The following MVD variants were observed in gnomAD, a reference collection of about 807,000 sequenced individuals.
MVD encodes the protein diphosphomevalonate decarboxylase.
MVD carries 52 observed loss-of-function variants against 42.4 expected under a neutral mutation model. That is an observed-to-expected ratio of 1.23 (90% confidence interval 0.98 to 1.55). The LOEUF is 1.55. Ranked by LOEUF, MVD falls within the 40% of genes most tolerant of loss-of-function variation. MVD has a pLI of 0.00. For synonymous variants in MVD, 287 were observed against 243.2 expected (o/e 1.18, Z -1.68); for missense variants, 663 against 572.1 (o/e 1.16, Z -1.62).
At position 88,663,088 on chromosome 16, in the gene MVD, C is replaced by T. The variant is rs770646062; in HGVS notation, c.-8G>A. The T allele has an allele frequency of 5.5e-5, 88 of 1,608,340 alleles. No homozygotes were observed. The highest frequency in any genetic ancestry group is 7.4e-5 in the Non-Finnish European group (87 of 1,178,224). On this transcript the variant is annotated 5_prime_UTR_variant, in exon 1 of 10. In the 5' UTR this introduces an upstream ATG that the reference lacks. Coordinates refer to ENST00000301012, the MANE Select transcript of MVD (RefSeq NM_002461.3). ...CGGCTTCTCCGAGGCCATGGTCCCA[C>T]CGCGCAGTGACCCCAGCTCCACAGC...
intron 4 of MVD, chr16:88,656,855 C>G: frequency 3.8e-6 from 1 of 265,516 alleles, no homozygotes; most frequent in Non-Finnish European, 7.5e-6. Flanking sequence ...GGAAGCGTCA[C>G]CCCTGGAGTT....
chr16:88,662,950 C>A (rs1246474113), intron 1 of MVD, 61 bp downstream of exon 1: 1 of 1,556,332 alleles, frequency 6.4e-7, no homozygotes, highest in African/African-American at 1.4e-5. Flanking sequence ...CAGCGCGCGA[C>A]CCCCGCGTAC....
Position 88,657,479 on chromosome 16 carries a change from C to T in MVD, c.360G>A (p.Thr120=), listed in dbSNP as rs921222865. 5 of 1,612,420 alleles carry T rather than the reference C, an allele frequency of 3.1e-6. No homozygotes were observed. The highest frequency in any genetic ancestry group is 1.7e-5 in the Admixed American group (1 of 59,966). ...VHVASVNNFP[T]AAGLASSAAG... ...CCGCTGAGGAGGCCAGGCCCGCAGCCGTGGGGAAGTTGTTCACCGATGCCA... is the reference window on the plus strand; with the variant it reads ...CCGCTGAGGAGGCCAGGCCCGCAGCTGTGGGGAAGTTGTTCACCGATGCCA... Residue 120 remains threonine (T), a synonymous_variant, in exon 4 of 10, where the codon ACG becomes ACA. Coordinates refer to ENST00000301012, the MANE Select transcript of MVD (RefSeq NM_002461.3).
rs770468839 is a variant in MVD, at chr16:88,656,113, T to C, written c.595A>G (p.Ile199Val). 2.5e-6 allele frequency: 4 copies of C among 1,599,974 alleles called. No individual in the cohort carries two copies. Among genetic ancestry groups the C allele is most frequent in the Admixed American group, 1.7e-5 (1 of 59,968 alleles). The change falls in exon 5 of 10, where the codon ATC becomes GTC. Residue 199 changes from isoleucine (I) to valine (V), a missense_variant. Physicochemically the swap from Ile to Val is conservative, Grantham distance 29. Coordinates refer to ENST00000301012, the MANE Select transcript of MVD (RefSeq NM_002461.3). The stretch of plus-strand genomic sequence containing the variant: ...CGCCCCACCCCACTCACCACAAGGA[T>C]GAGCACGCGGAGTTCAGGCCAGTGT... ...ESHWPELRVL[I>V]LVVSAEKKLT...
intron 2 of MVD, among the ~76,000 whole-genome samples, chr16:88,658,300 T>C (rs940222282): frequency 1.3e-5 from 2 of 152,150 alleles, no homozygotes; most frequent in African/African-American, 2.4e-5. Context: ...TGTGCGCATG[T>C]GTGACGAGAC....
At chr16:88,653,656 C>T (rs59632581) in intron 8 of MVD, 143 of 462,846 alleles carry the variant, frequency 3.1e-4, no homozygotes, top group African/African-American at 2.3e-3. Flanking sequence ...TATATGCTCT[C>T]GAATGGCTGA....
chr16:88,653,457 G>A (rs376589582), intron 8 of MVD, 49 bp from the exon 9 acceptor site: 138 of 1,380,986 alleles, frequency 1.0e-4, no homozygotes, highest in African/African-American at 6.5e-4. Context: ...TTCTCTAAGC[G>A]TCTACAACAG....
At chr16:88,656,751 A>C in intron 4 of MVD, 1 of 248,254 alleles carries the variant, frequency 4.0e-6, no homozygotes, top group Non-Finnish European at 8.0e-6. Context: ...CTCCTCCCAC[A>C]GGGCTCCAGC....
At chr16:88,661,376 T>C (rs1908278974) in intron 1 of MVD, among the ~76,000 whole-genome samples, 1 of 152,090 alleles carries the variant, frequency 6.6e-6, no homozygotes, top group African/African-American at 2.4e-5. Context: ...GAGACTAATA[T>C]CTAGAATACA....
In MVD at chr16:88,652,521, G is replaced by A; in HGVS notation, c.*4C>T. 1 of 1,567,278 alleles carries A rather than the reference G, an allele frequency of 6.4e-7. No homozygotes were observed. Among genetic ancestry groups the A allele is most frequent in the Non-Finnish European group, 8.7e-7 (1 of 1,155,880 alleles). On this transcript the variant is annotated 3_prime_UTR_variant, in exon 10 of 10. Coordinates refer to ENST00000301012, the MANE Select transcript of MVD (RefSeq NM_002461.3). ...CAAGCGGCATGCGGTCCCTGCTGAG[G>A]CAGTCAGGCAGCTGGCTTCGGCAGG...
rs904190307 is a variant in MVD, at chr16:88,656,423, G to T, written c.404-119C>A. ...CAAATGGGGATTTCCAGATGACAGGGCTTCTGGGCCATCAGCCTTTGAGGC... is the reference window on the plus strand; with the variant it reads ...CAAATGGGGATTTCCAGATGACAGGTCTTCTGGGCCATCAGCCTTTGAGGC... On this transcript the variant is annotated intron_variant, in intron 4 of 9. Transcript: ENST00000301012. The T allele has an allele frequency of 3.6e-6, 4 of 1,101,204 alleles. No homozygotes were observed. In the African/African-American group the frequency reaches 4.7e-5, roughly 13 times the overall value. 68.2% of individuals were successfully genotyped at this position (1,101,204 alleles called of 1,614,324 possible).
intron 5 of MVD, 175 bp from the exon 6 acceptor site, chr16:88,655,905 T>C: frequency 9.1e-7 from 1 of 1,103,072 alleles, no homozygotes; most frequent in Non-Finnish European, 1.3e-6. Context: ...AGGGGCAACT[T>C]CCAGATCCCA....
At position 88,654,399 on chromosome 16, in the gene MVD, A is replaced by G. The variant is rs1340747722; in HGVS notation, c.1013+293T>C. On this transcript the variant is annotated intron_variant, in intron 8 of 9. Transcript: ENST00000301012. ...GGCGTGTTTCCTAAGCCACTGTTCT[A>G]TAGAATAAGAGCCTGCGGGGTCCCG... Among the ~76,000 whole-genome samples, 3 of 152,220 alleles carry G rather than the reference A, an allele frequency of 2.0e-5. No individual in the cohort carries two copies. The East Asian group carries it at 5.8e-4, about 29-fold the overall frequency.
chr16:88,656,290 G>A lies in MVD; in HGVS notation c.418C>T (p.Arg140Cys), dbSNP rs143689631. 220 of 1,599,566 alleles carry A rather than the reference G, an allele frequency of 1.4e-4. No homozygotes were observed. The highest frequency in any genetic ancestry group is 1.8e-4 in the Non-Finnish European group (208 of 1,179,916). Residue 140 changes from arginine (R) to cysteine (C), a missense_variant, in exon 5 of 10, where the codon CGT (arginine) becomes TGT (cysteine). By Grantham distance (180) the Arg-to-Cys change is radical. Coordinates refer to ENST00000301012, the MANE Select transcript of MVD (RefSeq NM_002461.3). ...GYACLAYTLARVYGVESDLSE... is the reference protein window; with the variant it reads ...GYACLAYTLACVYGVESDLSE... ...AGGTCACTCTCCACGCCGTAGACAC[G>A]GGCCAGGGTGTAGGCTGCAGGCATG... is the stretch of plus-strand genomic sequence containing the variant.
intron 1 of MVD, among the ~76,000 whole-genome samples, chr16:88,659,841 CCTGTTATCCCAGCTA>C (rs2142909691): frequency 6.6e-6 from 1 of 152,146 alleles, no homozygotes; most frequent in Non-Finnish European, 1.5e-5. Flanking sequence ...GTGACGCACG[CCTGTTATCCCAGCTA>C]CTCAGGAGGC....
In MVD at chr16:88,657,787, GCGGGCATGT is replaced by G. The variant is rs1197070925; in HGVS notation, c.256+119_256+127del. The G allele has an allele frequency of 8.1e-5, 102 of 1,256,706 alleles. No individual in the cohort carries two copies. In the African/African-American group the frequency reaches 1.3e-3, roughly 16 times the overall value. The allele number at this position is 1,256,706 out of a possible 1,614,324, so 77.8% of individuals were successfully genotyped here. ...CCACTGCCCTGGAGCTGGCGGCCCA[GCGGGCATGT>G]CTGGTTCCCAGCCACCCCGCCTGCT... On this transcript the variant is annotated intron_variant, in intron 3 of 9. Transcript: ENST00000301012.
intron 4 of MVD, 26 bp from the exon 5 acceptor site, chr16:88,656,330 G>C: frequency 6.3e-7 from 1 of 1,597,740 alleles, no homozygotes; most frequent in East Asian, 2.2e-5. Context: ...TTCAGGGAGG[G>C]TCCTCAGAGC....
Position 88,654,727 on chromosome 16 carries a change from C to G in MVD, c.978G>C (p.Val326=). Residue 326 remains valine (V), a synonymous_variant, in exon 8 of 10, where the codon GTG becomes GTC. Transcript: ENST00000301012. ...DDTVAEFVAA[V]WHGFPPGSNG... ...TCGAGCCTGGGGGAAAGCCGTGCCACACAGCAGCCACAAACTCAGCCACAG... is the reference window on the plus strand; with the variant it reads ...TCGAGCCTGGGGGAAAGCCGTGCCAGACAGCAGCCACAAACTCAGCCACAG... The G allele has an allele frequency of 6.2e-7, 1 of 1,602,916 alleles. No individual in the cohort carries two copies. Among genetic ancestry groups the G allele is most frequent in the African/African-American group, 1.3e-5 (1 of 74,268 alleles).
rs373594765 is a variant in MVD at position 88,655,657 on chromosome 16, C to T, written c.677G>A (p.Arg226Gln). 43 of 1,552,684 alleles carry T rather than the reference C, an allele frequency of 2.8e-5. No individual in the cohort carries two copies. The highest frequency in any genetic ancestry group is 3.6e-5 in the South Asian group (3 of 84,280). ...RASVETSPLL[R>Q]FRAESVVPAR... ...GGGACCACCCGCTCCTGGCCTTACC[C>T]GAAGCAGGGGGCTGGTCTCCACACT... Residue 226 changes from arginine to glutamine, a missense_variant and splice_region_variant, in exon 6 of 10, where the codon CGG (arginine) becomes CAG (glutamine). Coordinates refer to ENST00000301012, the MANE Select transcript of MVD (RefSeq NM_002461.3).
Sources: gnomAD v4.1 joint callset for allele counts (sites outside exome capture counted in the v4.1 genomes callset) on GRCh38, gnomAD v4.1.1 for gene constraint, MANE v1.5 for transcripts, NCBI Gene and HGNC (gene_info 2026-07-23, HGNC 2026-07-21) for gene names.